Variants in ERLEC1 observed in about 807,000 individuals in gnomAD.
The protein encoded by ERLEC1 is endoplasmic reticulum lectin 1.
ERLEC1 carries 47 observed loss-of-function variants against 68.0 expected under a neutral mutation model. That is an observed-to-expected ratio of 0.69 (90% CI 0.55 to 0.88). The LOEUF (loss-of-function observed/expected upper bound fraction) is 0.88, where lower values mean the gene tolerates loss of function less well. ERLEC1 is among the 40% of genes least tolerant of loss of function. The pLI, the probability that ERLEC1 is intolerant of heterozygous loss-of-function variation, is 0.00. For synonymous variants in ERLEC1, 225 were observed against 203.2 expected, an observed-to-expected ratio of 1.11 and a Z score of -0.91; for missense variants, 567 against 583.8, an observed-to-expected ratio of 0.97 and a Z score of 0.30.
At chr2:53,798,320 G>A (rs1336429098) in intron 5 of ERLEC1, among the ~76,000 whole-genome samples, 1 of 151,776 alleles carries the variant, frequency 6.6e-6, no homozygotes, top group Non-Finnish European at 1.5e-5. Flanking sequence ...GGAGTGCGGT[G>A]GCACAACCAC....
At chr2:53,789,411 A>T (rs1675264043) in intron 1 of ERLEC1, among the ~76,000 whole-genome samples, 1 of 151,816 alleles carries the variant, frequency 6.6e-6, no homozygotes, top group Non-Finnish European at 1.5e-5. Context: ...AAAAAAAAAA[A>T]AAAAATTCTT....
chr2:53,807,603 C>T (rs1676363052), intron 8 of ERLEC1, among the ~76,000 whole-genome samples: 1 of 152,090 alleles, frequency 6.6e-6, no homozygotes, highest in African/African-American at 2.4e-5. Flanking sequence ...TTATTTGAAC[C>T]CAGCTCTCTT....
chr2:53,791,906 T>A lies in ERLEC1; in HGVS notation c.163-2439T>A, dbSNP rs867267618. Among the ~76,000 whole-genome samples, 266 of 117,756 alleles carry A rather than the reference T, an allele frequency of 2.3e-3. 4 individuals are homozygous for A. Among genetic ancestry groups the A allele is most frequent in the African/African-American group, 7.7e-3 (234 of 30,558 alleles). The allele number at this position is 117,756 out of a possible 152,430, so 77.3% of individuals were successfully genotyped here. A position where few individuals can be genotyped will look rare whatever the true frequency, so the allele number is the denominator to read the frequency against. On this transcript the variant is annotated intron_variant, in intron 1 of 13. Coordinates refer to ENST00000185150, the MANE Select transcript of ERLEC1 (RefSeq NM_015701.5). ...TCCCTCATCATCTATAATGCTCTTT[T>A]AAAAAAAAAAAAAAAAAAAAAAAAA...
intron 1 of ERLEC1, among the ~76,000 whole-genome samples, chr2:53,788,898 A>G (rs1675230303): frequency 6.6e-6 from 1 of 152,072 alleles, no homozygotes; most frequent in South Asian, 2.1e-4. Flanking sequence ...TTGAAGAATT[A>G]TGTCATTAAA....
intron 10 of ERLEC1, among the ~76,000 whole-genome samples, chr2:53,809,682 G>A (rs2692521): frequency 0.18 from 27,339 of 152,010 alleles, 2,597 homozygotes; most frequent in South Asian, 0.24. Flanking sequence ...CTCGGGAGGC[G>A]GAGGAGGTTG....
chr2:53,808,799 TA>T lies in ERLEC1; in HGVS notation c.1041+348del, dbSNP rs1236828521. On this transcript the variant is annotated intron_variant, in intron 9 of 13. Coordinates refer to ENST00000185150, the MANE Select transcript of ERLEC1 (RefSeq NM_015701.5). ...TCAAACTGGAATTAACATCTCCCTT[TA>T]AAAAAAAAGTTAGAGACAGGGTCTC... Among the ~76,000 whole-genome samples, 9 of 151,550 alleles carry T rather than the reference TA, an allele frequency of 5.9e-5. No individual in the cohort carries two copies. In the South Asian group the frequency reaches 1.5e-3, roughly 25 times the overall value.
intron 10 of ERLEC1, 71 bp from the exon 11 acceptor site, chr2:53,812,873 AAGGTC>A: frequency 6.7e-7 from 1 of 1,491,920 alleles, no homozygotes; most frequent in Non-Finnish European, 9.1e-7. Flanking sequence ...AGCTTACAAG[AAGGTC>A]AGGTCATCAG....
At chr2:53,808,568 A>T (rs923788200) in intron 9 of ERLEC1, 108 bp downstream of exon 9, 9 of 1,087,540 alleles carry the variant, frequency 8.3e-6, no homozygotes, top group Admixed American at 2.6e-5. Context: ...GAGAAATGAC[A>T]GGATCCTTTC....
chr2:53,807,756 C>T (rs985616464), intron 8 of ERLEC1, among the ~76,000 whole-genome samples: 2 of 151,946 alleles, frequency 1.3e-5, no homozygotes, highest in Non-Finnish European at 2.9e-5. Flanking sequence ...CCTGTAATCC[C>T]AGCACTTTGG....
chr2:53,790,970 A>G (rs1238074157), intron 1 of ERLEC1, among the ~76,000 whole-genome samples: 2 of 152,186 alleles, frequency 1.3e-5, no homozygotes, highest in African/African-American at 4.8e-5. Context: ...AAATCAGTCT[A>G]ATTTTCTGTC....
chr2:53,796,016 A>G lies in ERLEC1; in HGVS notation c.348+3A>G. 6.4e-7 allele frequency: 1 copy of G among 1,570,166 alleles called. No individual in the cohort carries two copies. The highest frequency in any genetic ancestry group is 1.2e-5 in the South Asian group (1 of 85,002). On this transcript the variant is annotated splice_donor_region_variant and intron_variant, in intron 3 of 13. Transcript: ENST00000185150. ...AACAAAGCAGTTGTTCCTACAGAGT[A>G]TGTATTTTATGTTTACTTGATGACT...
At chr2:53,805,288 A>G (rs1255118089) in intron 8 of ERLEC1, among the ~76,000 whole-genome samples, 1 of 151,960 alleles carries the variant, frequency 6.6e-6, no homozygotes, top group East Asian at 1.9e-4. Context: ...CTCCCAAAGT[A>G]CGGGATTACA....
chr2:53,787,300 C>T lies in ERLEC1; in HGVS notation c.90C>T (p.Gly30=), dbSNP rs1404536021. ...VLCGLLEASG[G]GRALPQLSDD... ...GCGGCCTCCTGGAGGCGTCCGGCGG[C>T]GGCCGAGCCCTTCCTCAACTCAGCG... Residue 30 remains glycine (G), a synonymous_variant, in exon 1 of 14, where the codon GGC becomes GGT. Transcript: ENST00000185150. The T allele has an allele frequency of 7.5e-6, 12 of 1,610,306 alleles. No individual in the cohort carries two copies. In the South Asian group the frequency reaches 7.7e-5, roughly 10 times the overall value.
At chr2:53,816,265 GT>G (rs57918616) in intron 13 of ERLEC1, among the ~76,000 whole-genome samples, 38,181 of 121,682 alleles carry the variant, frequency 0.31, 4,437 homozygotes, top group South Asian at 0.38. Context: ...GTTTTGGTTG[GT>G]TTTTTTTTTT....
chr2:53,813,192 GAT>G (rs2104337450), intron 11 of ERLEC1, 119 bp downstream of exon 11: 1 of 1,222,072 alleles, frequency 8.2e-7, no homozygotes, highest in East Asian at 2.6e-5. Flanking sequence ...TTTTTCAAGG[GAT>G]ATCTTTTAGG....
At position 53,813,058 on chromosome 2, in the gene ERLEC1, G is replaced by A; in HGVS notation, c.1211G>A (p.Gly404Asp). ...TARAYHLQDD[G>D]TQTVRMVSHF... is the part of the protein sequence containing the mutation. ...AGAGCTTATCATCTTCAAGACGATG[G>A]TACCCAGACAGTCAGGTAAAGATTC... is the stretch of plus-strand genomic sequence containing the variant. Residue 404 changes from glycine to aspartate, a missense_variant, in exon 11 of 14, where the codon GGT becomes GAT. Coordinates refer to ENST00000185150, the MANE Select transcript of ERLEC1 (RefSeq NM_015701.5). 1.9e-6 allele frequency: 3 copies of A among 1,610,544 alleles called. No homozygotes were observed. The highest frequency in any genetic ancestry group is 2.5e-6 in the Non-Finnish European group (3 of 1,179,356).
chr2:53,797,838 G>T, intron 5 of ERLEC1, 43 bp downstream of exon 5: 1 of 1,498,472 alleles, frequency 6.7e-7, no homozygotes, highest in Non-Finnish European at 9.2e-7. Flanking sequence ...CTGGAATTTG[G>T]TTTAAAATAT....
chr2:53,809,191 T>G (rs781452855), intron 9 of ERLEC1, 23 bp from the exon 10 acceptor site: 1 of 1,567,234 alleles, frequency 6.4e-7, no homozygotes, highest in Non-Finnish European at 8.6e-7. Context: ...TAACTTGATC[T>G]AATATGTTTT....
chr2:53,814,560 A>C lies in ERLEC1; in HGVS notation c.1244A>C (p.Tyr415Ser). 6.2e-7 allele frequency: 1 copy of C among 1,611,256 alleles called. No individual in the cohort carries two copies. The highest frequency in any genetic ancestry group is 1.1e-5 in the South Asian group (1 of 90,694). ...TQTVRMVSHF[Y>S]GNGDICDITD... ...TGATTCAGGATGGTGTCACATTTTT[A>C]TGGAAATGGAGATATTTGTGATATA... Residue 415 changes from tyrosine to serine, a missense_variant, in exon 12 of 14, where the codon TAT (tyrosine) becomes TCT (serine). By Grantham distance (144) the Tyr-to-Ser change is moderately radical. Coordinates refer to ENST00000185150, the MANE Select transcript of ERLEC1 (RefSeq NM_015701.5).
Sources: allele counts gnomAD v4.1 joint callset (sites outside exome capture counted in the v4.1 genomes callset), GRCh38; gene constraint gnomAD v4.1.1; transcripts MANE v1.5; gene names NCBI Gene and HGNC (gene_info 2026-07-23, HGNC 2026-07-21).